PCDHA7: variants seen among roughly 807,000 people sequenced by gnomAD.
The protein encoded by PCDHA7 is protocadherin alpha-7.
A neutral mutation model predicts 57.2 loss-of-function variants in PCDHA7; 37 were observed. The ratio of observed to expected loss-of-function variants is 0.65; its 90% CI spans 0.50 to 0.85. PCDHA7 has a LOEUF of 0.85. PCDHA7 is among the 40% of genes least tolerant of loss of function. The pLI is 0.00. For synonymous variants in PCDHA7, 553 were observed against 558.8 expected (o/e 0.99, Z 0.15); for missense variants, 1,188 against 1,241.8 (o/e 0.96, Z 0.65).
intron 1 of PCDHA7, among the ~76,000 whole-genome samples, chr5:140,944,351 C>A (rs530648518): frequency 6.6e-6 from 1 of 152,198 alleles, no homozygotes; most frequent in South Asian, 2.1e-4. Context: ...CCACACCTGG[C>A]TAATTTTTAA....
intron 1 of PCDHA7, chr5:140,926,752 C>T (rs1176032200): frequency 8.0e-7 from 1 of 1,254,344 alleles, no homozygotes; most frequent in Admixed American, 3.6e-5. Context: ...CGTCGGCGGT[C>T]GCTGAGTATC....
At chr5:140,966,528 G>T (rs567098369) in intron 1 of PCDHA7, 235 of 446,634 alleles carry the variant, frequency 5.3e-4, no homozygotes, top group Non-Finnish European at 7.8e-4. Context: ...AGCCGAGCCG[G>T]GTTGAGCGAC....
At chr5:140,875,367 T>A (rs937879067) in intron 1 of PCDHA7, 1 of 1,449,166 alleles carries the variant, frequency 6.9e-7, no homozygotes, top group Non-Finnish European at 9.1e-7. Context: ...CTGGAAAAAA[T>A]TTACTAAATA....
Position 140,856,403 on chromosome 5 carries a change from G to A in PCDHA7, c.2355+19665G>A, listed in dbSNP as rs782447462. On this transcript the variant is annotated intron_variant, in intron 1 of 3. Coordinates refer to ENST00000525929, the MANE Select transcript of PCDHA7 (RefSeq NM_018910.3). ...CAGGCCGCTGCAGGTTTTCCATGTG[G>A]ACGTGGAAGTGAAGGACATTAACGA... 5.8e-5 allele frequency: 92 copies of A among 1,598,448 alleles called. 11 individuals are homozygous for A. The highest frequency in any genetic ancestry group is 7.7e-5 in the Non-Finnish European group (90 of 1,168,002).
chr5:140,863,334 G>T (rs782071935), intron 1 of PCDHA7: 24 of 1,387,574 alleles, frequency 1.7e-5, no homozygotes, highest in South Asian at 5.7e-5. Flanking sequence ...TAGTGCTCAC[G>T]TTGCTGCTGT....
chr5:140,943,888 T>A (rs567966075), intron 1 of PCDHA7, among the ~76,000 whole-genome samples: 1 of 152,330 alleles, frequency 6.6e-6, no homozygotes, highest in South Asian at 2.1e-4. Context: ...ATTGGACTGG[T>A]CATTATGATG....
At chr5:140,965,312 C>G (rs543157988) in intron 1 of PCDHA7, among the ~76,000 whole-genome samples, 1 of 152,258 alleles carries the variant, frequency 6.6e-6, no homozygotes, top group East Asian at 1.9e-4. Context: ...TCTACCTTCT[C>G]TTTTACTGAA....
intron 1 of PCDHA7, among the ~76,000 whole-genome samples, chr5:140,950,428 T>G (rs408652): frequency 0.56 from 85,077 of 151,214 alleles, 24,477 homozygotes; most frequent in African/African-American, 0.69. Context: ...TTTCTTCCAC[T>G]TAAAAAAAAT....
intron 3 of PCDHA7, among the ~76,000 whole-genome samples, chr5:140,993,009 G>C (rs1228975075): frequency 3.9e-5 from 6 of 152,172 alleles, no homozygotes; most frequent in Non-Finnish European, 8.8e-5. Flanking sequence ...CCTCCCCAGA[G>C]TCCAGCATCC....
chr5:140,857,434 C>T (rs987628518), intron 1 of PCDHA7: 2 of 1,598,440 alleles, frequency 1.3e-6, no homozygotes, highest in Non-Finnish European at 1.7e-6. Context: ...ACACGGTGTT[C>T]GTGAAGGAGA....
At chr5:140,988,467 A>T (rs1245281936) in intron 3 of PCDHA7, among the ~76,000 whole-genome samples, 12 of 152,242 alleles carry the variant, frequency 7.9e-5, no homozygotes, top group African/African-American at 2.4e-4. Flanking sequence ...AGGGTGTGGG[A>T]AGGGGAATTA....
At chr5:140,947,454 C>T (rs138457341) in intron 1 of PCDHA7, among the ~76,000 whole-genome samples, 1 of 151,582 alleles carries the variant, frequency 6.6e-6, no homozygotes, top group Non-Finnish European at 1.5e-5. Flanking sequence ...ATCCTCCAAC[C>T]TTGTTCTACT....
At chr5:140,879,237 G>C (rs999977997) in intron 1 of PCDHA7, among the ~76,000 whole-genome samples, 14 of 152,134 alleles carry the variant, frequency 9.2e-5, no homozygotes, top group African/African-American at 3.4e-4. Context: ...TATACAAGAG[G>C]CACTGGCAAA....
At chr5:140,852,973 T>G (rs2150526500) in intron 1 of PCDHA7, 26 of 368,004 alleles carry the variant, frequency 7.1e-5, no homozygotes, top group Non-Finnish European at 9.8e-5. Flanking sequence ...CCCCCTCCCG[T>G]GTTCACGCCA....
chr5:140,968,095 TGGG>T (rs1554230332), intron 1 of PCDHA7: 1 of 1,613,884 alleles, frequency 6.2e-7, no homozygotes, highest in African/African-American at 1.3e-5. Flanking sequence ...CAGCCACAGA[TGGG>T]GGAATACCGC....
chr5:140,872,785 C>T (rs781982200), intron 1 of PCDHA7, among the ~76,000 whole-genome samples: 12 of 152,072 alleles, frequency 7.9e-5, no homozygotes, highest in Non-Finnish European at 1.3e-4. Context: ...ATAATATATG[C>T]TAGTTGGCAT....
intron 1 of PCDHA7, among the ~76,000 whole-genome samples, chr5:140,894,090 C>T (rs1554185919): frequency 6.6e-6 from 1 of 152,154 alleles, no homozygotes; most frequent in African/African-American, 2.4e-5. Flanking sequence ...CCAGTATCTT[C>T]TAGCTCCTGG....
At chr5:140,866,372 A>G (rs1260781135) in intron 1 of PCDHA7, 2 of 152,168 alleles carry the variant, frequency 1.3e-5, no homozygotes, top group Non-Finnish European at 2.9e-5. Flanking sequence ...GCATACTTCA[A>G]TAACAATTTT....
chr5:140,972,978 A>G (rs1392208477), intron 1 of PCDHA7, among the ~76,000 whole-genome samples: 1 of 152,058 alleles, frequency 6.6e-6, no homozygotes, highest in African/African-American at 2.4e-5. Flanking sequence ...ACCAAATCTT[A>G]AGGTAGATTC....
Sources: gnomAD v4.1 joint callset for allele counts (sites outside exome capture counted in the v4.1 genomes callset) on GRCh38, gnomAD v4.1.1 for gene constraint, MANE v1.5 for transcripts, NCBI Gene and HGNC (gene_info 2026-07-23, HGNC 2026-07-21) for gene names.